The following COL25A1 variants were observed in gnomAD, a reference collection of about 807,000 sequenced individuals.
COL25A1 encodes collagen type XXV alpha 1 chain.
COL25A1 carries 103 observed loss-of-function variants against 128.4 expected under a neutral mutation model. The observed-to-expected ratio is 0.80, with a 90% CI of 0.68 to 0.94. The LOEUF (loss-of-function observed/expected upper bound fraction) is 0.94, where lower values mean the gene tolerates loss of function less well. Ranked by LOEUF, COL25A1 falls within the 40% of genes least tolerant of loss-of-function variation. The pLI, the probability that COL25A1 is intolerant of heterozygous loss-of-function variation, is 0.00. For missense variants in COL25A1, 745 were observed against 840.0 expected, an observed-to-expected ratio of 0.89 and a Z score of 1.40; for synonymous variants, 279 against 277.2, an observed-to-expected ratio of 1.01 and a Z score of -0.06.
chr4:109,284,981 T>C (rs1485842732), intron 3 of COL25A1, among the ~76,000 whole-genome samples: 1 of 152,034 alleles, frequency 6.6e-6, no homozygotes, highest in Non-Finnish European at 1.5e-5. Flanking sequence ...AAAGTTATTA[T>C]AATTTTAGTC....
intron 3 of COL25A1, among the ~76,000 whole-genome samples, chr4:109,063,297 GT>G (rs1192414812): frequency 1.2e-4 from 18 of 152,222 alleles, no homozygotes; most frequent in African/African-American, 1.7e-4. Context: ...GAGGTCAGGA[GT>G]TTGAGACCAG....
intron 3 of COL25A1, among the ~76,000 whole-genome samples, chr4:109,248,435 C>T (rs1193805566): frequency 6.6e-6 from 1 of 152,134 alleles, no homozygotes; most frequent in Admixed American, 6.5e-5. Context: ...CCTGTTCCAG[C>T]CACCCATTCA....
chr4:109,234,493 A>T (rs1779346976), intron 3 of COL25A1, among the ~76,000 whole-genome samples: 1 of 152,106 alleles, frequency 6.6e-6, no homozygotes, highest in Admixed American at 6.6e-5. Flanking sequence ...GGGGGAAAAA[A>T]GCTAATCCTG....
intron 5 of COL25A1, among the ~76,000 whole-genome samples, chr4:109,026,100 GCACA>G (rs56718544): frequency 0.021 from 2,844 of 137,110 alleles, 65 homozygotes; most frequent in African/African-American, 0.057. Flanking sequence ...AAAACACTTT[GCACA>G]CACACACACA....
At chr4:109,225,951 C>T (rs1778772265) in intron 3 of COL25A1, among the ~76,000 whole-genome samples, 2 of 150,626 alleles carry the variant, frequency 1.3e-5, no homozygotes, top group South Asian at 2.1e-4. Flanking sequence ...TAAATATATG[C>T]ATACTATTGT....
intron 3 of COL25A1, among the ~76,000 whole-genome samples, chr4:109,293,143 A>C (rs1724632212): frequency 1.3e-5 from 2 of 152,084 alleles, no homozygotes; most frequent in Admixed American, 1.3e-4. Context: ...TCAGAATGCT[A>C]AGAAATGGAT....
intron 3 of COL25A1, among the ~76,000 whole-genome samples, chr4:109,293,047 G>A (rs981818416): frequency 4.6e-5 from 7 of 152,000 alleles, no homozygotes; most frequent in Non-Finnish European, 5.9e-5. Context: ...TGGAGTCCCT[G>A]AGATGACAAA....
At chr4:109,128,346 G>A (rs1400591041) in intron 3 of COL25A1, among the ~76,000 whole-genome samples, 1 of 152,174 alleles carries the variant, frequency 6.6e-6, no homozygotes, top group Non-Finnish European at 1.5e-5. Flanking sequence ...ATGAGCCAGA[G>A]CTAACATTCT....
intron 5 of COL25A1, among the ~76,000 whole-genome samples, chr4:109,046,547 A>G (rs1760450225): frequency 6.6e-6 from 1 of 152,210 alleles, no homozygotes; most frequent in African/African-American, 2.4e-5. Context: ...TTTGTTACTT[A>G]CTTAACATGA....
Position 109,212,359 on chromosome 4 carries a change from C to G in COL25A1, c.367+88224G>C, listed in dbSNP as rs1046352719. ...CTAAGTGTTCAGCTGACCTGACAACCAAACCACCTACACATAGACTCTCTA... is the reference window on the plus strand; with the variant it reads ...CTAAGTGTTCAGCTGACCTGACAACGAAACCACCTACACATAGACTCTCTA... On this transcript the variant is annotated intron_variant, in intron 3 of 37. Transcript: ENST00000399132. Among the ~76,000 whole-genome samples the G allele has an allele frequency of 1.8e-4, 27 of 152,198 alleles. No homozygotes were observed. In the South Asian group the frequency reaches 2.3e-3, roughly 13 times the overall value.
chr4:109,202,384 CATGACTGGAT>C, intron 3 of COL25A1, among the ~76,000 whole-genome samples: 1 of 151,060 alleles, frequency 6.6e-6, no homozygotes, highest in South Asian at 2.1e-4. Flanking sequence ...ATAGTGCTGG[CATGACTGGAT>C]ATCCATATGC....
chr4:109,212,932 G>T (rs1012511452), intron 3 of COL25A1, among the ~76,000 whole-genome samples: 3 of 152,096 alleles, frequency 2.0e-5, no homozygotes, highest in Admixed American at 6.6e-5. Context: ...GTCCCTACTT[G>T]TTCTTCACCA....
At chr4:109,150,342 T>C (rs1007928949) in intron 3 of COL25A1, among the ~76,000 whole-genome samples, 4 of 152,134 alleles carry the variant, frequency 2.6e-5, no homozygotes, top group African/African-American at 4.8e-5. Flanking sequence ...CTCTCCTGTC[T>C]AGTTAATCAG....
intron 3 of COL25A1, among the ~76,000 whole-genome samples, chr4:109,123,094 T>C (rs1335059759): frequency 1.3e-5 from 2 of 152,034 alleles, no homozygotes; most frequent in Non-Finnish European, 2.9e-5. Context: ...ATCCCACTAT[T>C]TAAGGGATTT....
chr4:109,172,650 C>T (rs577681500), intron 3 of COL25A1, among the ~76,000 whole-genome samples: 15 of 152,266 alleles, frequency 9.9e-5, no homozygotes, highest in Admixed American at 5.2e-4. Context: ...CCTGTTAGGA[C>T]GCTAAAATCT....
rs1292039850 is a variant in COL25A1 at position 108,813,097 on chromosome 4, C to G, written c.*830G>C. 1 of 152,260 alleles carries G rather than the reference C, an allele frequency of 6.6e-6. No homozygotes were observed. Among genetic ancestry groups the G allele is most frequent in the Non-Finnish European group, 1.5e-5 (1 of 68,080 alleles). The allele number at this position is 152,260 out of a possible 1,614,324, so 9.4% of individuals were successfully genotyped here. On this transcript the variant is annotated 3_prime_UTR_variant, in exon 38 of 38. Coordinates refer to ENST00000399132, the MANE Select transcript of COL25A1 (RefSeq NM_198721.4). ...GTCACATGAGAGGCAGTGCTGGAGG[C>G]TGAATCGGTCCTCTTCCCATGTCTT...
In COL25A1 at chr4:109,302,012, A is replaced by G; in HGVS notation, c.8T>C (p.Leu3Pro). The G allele has an allele frequency of 6.3e-7, 1 of 1,589,530 alleles. No homozygotes were observed. The highest frequency in any genetic ancestry group is 8.6e-7 in the Non-Finnish European group (1 of 1,169,120). The change falls in exon 2 of 38, where the codon CTG (leucine) becomes CCG (proline). Residue 3 changes from leucine to proline, a missense_variant. By Grantham distance (98) the Leu-to-Pro change is moderately conservative. Transcript: ENST00000399132. The stretch of plus-strand genomic sequence containing the variant: ...CCCTCCTTTCCCTGCGTGCTTCTTC[A>G]GCAGCATCGTGGCGGGGTCGGCCGT... MLLKKHAGKGGGR... is the reference protein window; with the variant it reads MLPKKHAGKGGGR...
intron 3 of COL25A1, among the ~76,000 whole-genome samples, chr4:109,117,644 T>C (rs1767729115): frequency 6.6e-6 from 1 of 151,970 alleles, no homozygotes; most frequent in Admixed American, 6.6e-5. Flanking sequence ...AAATGCTACT[T>C]TATTCAAAAT....
At chr4:108,885,850 T>C (rs1310029668) in intron 18 of COL25A1, among the ~76,000 whole-genome samples, 3 of 152,218 alleles carry the variant, frequency 2.0e-5, no homozygotes, top group Admixed American at 2.0e-4. Context: ...TTTGTGGAAG[T>C]ATGTAGGTTG....
Sources: gnomAD v4.1 joint callset for allele counts (sites outside exome capture counted in the v4.1 genomes callset) on GRCh38, gnomAD v4.1.1 for gene constraint, MANE v1.5 for transcripts, NCBI Gene and HGNC (gene_info 2026-07-23, HGNC 2026-07-21) for gene names.